Variants in INTS3 observed in about 807,000 individuals in gnomAD.
INTS3 encodes integrator complex subunit 3, also known as SOSS complex subunit A.
In INTS3, 34 loss-of-function variants were observed where a neutral mutation model predicts 146.3. That is an observed-to-expected ratio of 0.23 (90% CI 0.18 to 0.31). The LOEUF (loss-of-function observed/expected upper bound fraction) is 0.31, where lower values mean the gene tolerates loss of function less well. Ranked by LOEUF, INTS3 falls within the 10% of genes least tolerant of loss-of-function variation. INTS3 has a pLI of 1.00. For missense variants in INTS3, 757 were observed against 1,304.2 expected, an observed-to-expected ratio of 0.58 and a Z score of 6.46; for synonymous variants, 475 against 494.9, an observed-to-expected ratio of 0.96 and a Z score of 0.53.
At chr1:153,754,554 C>T in intron 8 of INTS3, 88 bp from the exon 9 acceptor site, 1 of 893,538 alleles carries the variant, frequency 1.1e-6, no homozygotes, top group Non-Finnish European at 1.9e-6. Context: ...TACTGGCCAT[C>T]AGTACCTGGC....
chr1:153,769,374 G>C (rs1558009548), intron 22 of INTS3, among the ~76,000 whole-genome samples: 1 of 152,116 alleles, frequency 6.6e-6, no homozygotes, highest in African/African-American at 2.4e-5. Context: ...CCTGCACTGG[G>C]ATCCCATTTC....
chr1:153,738,558 ATG>A (rs973046003), intron 1 of INTS3, among the ~76,000 whole-genome samples: 7 of 152,232 alleles, frequency 4.6e-5, no homozygotes, highest in African/African-American at 1.7e-4. Flanking sequence ...TAGTGTTAAC[ATG>A]TCTCATTATT....
intron 7 of INTS3, chr1:153,752,050 C>G: frequency 1.9e-6 from 1 of 532,432 alleles, no homozygotes; most frequent in East Asian, 3.6e-5. Flanking sequence ...GCCAGCAGGG[C>G]TTCAGCACTT....
At chr1:153,760,232 CAAAAAAA>C (rs58951043) in intron 11 of INTS3, 72 bp from the exon 12 acceptor site, 6,390 of 394,522 alleles carry the variant, frequency 0.016, 31 homozygotes, top group Admixed American at 0.021. Context: ...GACTCTGTTT[CAAAAAAA>C]AAAAAAAAAA....
chr1:153,742,666 G>A (rs551205873), intron 3 of INTS3, among the ~76,000 whole-genome samples: 52 of 152,296 alleles, frequency 3.4e-4, no homozygotes, highest in Middle Eastern at 3.4e-3. Flanking sequence ...AAGTGAAGGG[G>A]GCAGAGTATG....
chr1:153,771,611 ACTT>A (rs889889531), intron 25 of INTS3, among the ~76,000 whole-genome samples, 182 bp from the exon 26 acceptor site: 11 of 149,790 alleles, frequency 7.3e-5, no homozygotes, highest in African/African-American at 1.5e-4. Flanking sequence ...GAAGAATCTC[ACTT>A]CTTCTCTCCT....
chr1:153,766,481 T>C (rs1420558742), intron 20 of INTS3: 1 of 152,008 alleles, frequency 6.6e-6, no homozygotes, highest in Non-Finnish European at 1.5e-5. Context: ...TATTTTTTTG[T>C]AGAGATGGGG....
rs146335369 is a variant in INTS3 at position 153,755,616 on chromosome 1, G to A, written c.957+877G>A. On this transcript the variant is annotated intron_variant, in intron 9 of 29. Transcript: ENST00000318967. Reference sequence around the variant, plus strand: ...TTCCTCTGCGGCCAGTCTGGCTGTCGAGAACTGCTTTCCTAATCAGCTTTC... The same window carrying A: ...TTCCTCTGCGGCCAGTCTGGCTGTCAAGAACTGCTTTCCTAATCAGCTTTC... 3.2e-3 allele frequency among the ~76,000 whole-genome samples: 492 copies of A among 152,292 alleles called. 3 individuals are homozygous for A. Among genetic ancestry groups the A allele is most frequent in the African/African-American group, 0.011 (473 of 41,570 alleles).
chr1:153,772,783 G>T lies in INTS3; in HGVS notation c.2894+72G>T. ...CCTAAGGGAGAGGAAGCCTGCTAGG[G>T]ACATAAACGTAATGGCCAGCAAGAC... On this transcript the variant is annotated intron_variant, in intron 28 of 29. Transcript: ENST00000318967. The surrounding 1 kb of genome is among the most constrained non-coding windows in gnomAD (Gnocchi z 4.6). 1 of 1,586,244 alleles carries T rather than the reference G, an allele frequency of 6.3e-7. No homozygotes were observed. Among genetic ancestry groups the T allele is most frequent in the South Asian group, 1.1e-5 (1 of 88,676 alleles).
At position 153,764,198 on chromosome 1, in the gene INTS3, C is replaced by T; in HGVS notation, c.1902C>T (p.Val634=). The change falls in exon 18 of 30, where the codon GTC becomes GTT. Residue 634 remains valine, a synonymous_variant. Coordinates refer to ENST00000318967, the MANE Select transcript of INTS3 (RefSeq NM_023015.5). ...TCAAGGCCCACTTTCGAGGGGAGGT[C>T]CTGCCTGAGGAGATTACTGAGGAGT... is the stretch of plus-strand genomic sequence containing the variant. ...ELFKAHFRGE[V]LPEEITEESL... is the part of the protein sequence containing the mutation. The T allele has an allele frequency of 3.1e-6, 5 of 1,613,600 alleles. No homozygotes were observed. Among genetic ancestry groups the T allele is most frequent in the Non-Finnish European group, 4.2e-6 (5 of 1,179,548 alleles).
intron 1 of INTS3, among the ~76,000 whole-genome samples, 181 bp from the exon 2 acceptor site, chr1:153,740,470 C>A (rs751619038): frequency 1.3e-5 from 2 of 152,166 alleles, no homozygotes; most frequent in Non-Finnish European, 2.9e-5. Context: ...AATCAGGTCA[C>A]CTGTTTATGG....
chr1:153,762,898 C>A, intron 15 of INTS3, 51 bp downstream of exon 15: 1 of 1,604,684 alleles, frequency 6.2e-7, no homozygotes, highest in Non-Finnish European at 8.5e-7. Flanking sequence ...CCTGAGAGGA[C>A]CAGTTCCCAG....
chr1:153,773,032 C>G lies in INTS3; in HGVS notation c.3002C>G (p.Ala1001Gly). The G allele has an allele frequency of 6.2e-7, 1 of 1,614,214 alleles. No homozygotes were observed. The highest frequency in any genetic ancestry group is 8.5e-7 in the Non-Finnish European group (1 of 1,180,036). Residue 1001 changes from alanine to glycine, a missense_variant, in exon 29 of 30, where the codon GCC (alanine) becomes GGC (glycine). Ala to Gly is a moderately conservative substitution (Grantham distance 60). Around this residue, in one of 8 missense-constraint regions of INTS3, gnomAD observed 125 missense variants for 165.6 expected, o/e 0.75. Coordinates refer to ENST00000318967, the MANE Select transcript of INTS3 (RefSeq NM_023015.5). ...ALSSPRSRKNATQPPNAEEES... is the reference protein window; with the variant it reads ...ALSSPRSRKNGTQPPNAEEES... ...TCCAGCCCTCGAAGTCGAAAGAATG[C>G]CACACAGCCCCCCAATGCCGAAGAA...
At chr1:153,738,807 C>T (rs1671401787) in intron 1 of INTS3, among the ~76,000 whole-genome samples, 1 of 151,664 alleles carries the variant, frequency 6.6e-6, no homozygotes, top group Non-Finnish European at 1.5e-5. Context: ...TAAGGAAGAG[C>T]TTTCCTTTCT....
At chr1:153,755,834 T>C (rs1360778158) in intron 9 of INTS3, among the ~76,000 whole-genome samples, 1 of 151,164 alleles carries the variant, frequency 6.6e-6, no homozygotes, top group East Asian at 2.0e-4. Context: ...AGATCAGGAG[T>C]TTGGGACCAC....
At chr1:153,742,706 A>G (rs1166825993) in intron 3 of INTS3, among the ~76,000 whole-genome samples, 5 of 152,324 alleles carry the variant, frequency 3.3e-5, no homozygotes, top group East Asian at 1.9e-4. Flanking sequence ...TGCCTGGCCT[A>G]TCAGTAAGAG....
rs763513343 is a variant in INTS3 at position 153,757,525 on chromosome 1, C to G, written c.958-47C>G. The G allele has an allele frequency of 6.4e-7, 1 of 1,565,856 alleles. No individual in the cohort carries two copies. The highest frequency in any genetic ancestry group is 1.1e-5 in the South Asian group (1 of 88,396). On this transcript the variant is annotated intron_variant, in intron 9 of 29. Transcript: ENST00000318967. This position sits in a 1 kb window ranked among gnomAD's most constrained non-coding sequence, Gnocchi z 4.0. ...GTGCTCGTTTTCCTCTGGCCAAGGA[C>G]CCCACACTGTCTTCTAAGGTCTTTT...
intron 1 of INTS3, among the ~76,000 whole-genome samples, chr1:153,737,903 A>G (rs948011672): frequency 6.6e-6 from 1 of 152,160 alleles, no homozygotes; most frequent in Admixed American, 6.6e-5. Flanking sequence ...TTTCAAATAT[A>G]AAAAAGTAGA....
chr1:153,770,758 T>A (rs6675978), intron 25 of INTS3, 25 bp downstream of exon 25: 1 of 1,591,764 alleles, frequency 6.3e-7, no homozygotes, highest in Admixed American at 1.7e-5. Flanking sequence ...TGGGGCTCTT[T>A]AGCCCTCAAT....
Sources: gnomAD v4.1 joint callset for allele counts (sites outside exome capture counted in the v4.1 genomes callset) on GRCh38, gnomAD v4.1.1 for gene constraint, gnomAD v4.1.1 regional missense constraint, Gnocchi (gnomAD v3.1) non-coding constraint, MANE v1.5 for transcripts, NCBI Gene and HGNC (gene_info 2026-07-23, HGNC 2026-07-21) for gene names.